Variants in LINGO2 observed in about 807,000 individuals in gnomAD.
The protein encoded by LINGO2 is leucine rich repeat and Ig domain containing 2.
In LINGO2, 14 loss-of-function variants were observed where a neutral mutation model predicts 30.6. The ratio of observed to expected loss-of-function variants is 0.46; its 90% CI spans 0.30 to 0.72. The LOEUF is 0.72. LINGO2 is among the 30% of genes least tolerant of loss of function. The probability of loss-of-function intolerance (pLI) is 0.07; values close to 1 mark genes in which losing one functional copy is unlikely to be tolerated. For missense variants in LINGO2, 729 were observed against 751.7 expected, an observed-to-expected ratio of 0.97 and a Z score of 0.35; for synonymous variants, 317 against 288.5, an observed-to-expected ratio of 1.10 and a Z score of -1.00.
the LINGO2 span, among the ~76,000 whole-genome samples, chr9:29,057,238 T>C: frequency 6.6e-6 from 1 of 152,144 alleles, no homozygotes; most frequent in African/African-American, 2.4e-5. Context: ...TGAGCATGTT[T>C]CCATTTGTTT....
At chr9:28,117,844 G>T (rs1826974831) in intron 4 of LINGO2, among the ~76,000 whole-genome samples, 1 of 151,960 alleles carries the variant, frequency 6.6e-6, no homozygotes, top group African/African-American at 2.4e-5. Context: ...CGGTACCTCA[G>T]ATGGAAATGC....
the LINGO2 span, among the ~76,000 whole-genome samples, chr9:29,163,659 A>G: frequency 6.6e-6 from 1 of 152,234 alleles, no homozygotes; most frequent in Non-Finnish European, 1.5e-5. Context: ...GAAGGTTCTA[A>G]GCCATAAGAC....
At chr9:28,912,818 T>C in the LINGO2 span, among the ~76,000 whole-genome samples, 1 of 152,184 alleles carries the variant, frequency 6.6e-6, no homozygotes, top group African/African-American at 2.4e-5. Context: ...AACTATTTTG[T>C]GATAATCATA....
chr9:28,876,184 C>T, the LINGO2 span, among the ~76,000 whole-genome samples: 1 of 151,966 alleles, frequency 6.6e-6, no homozygotes, highest in South Asian at 2.1e-4. Flanking sequence ...TTTTCATATA[C>T]ATTATGTCAT....
chr9:28,819,728 C>T, the LINGO2 span, among the ~76,000 whole-genome samples: 1 of 152,158 alleles, frequency 6.6e-6, no homozygotes, highest in African/African-American at 2.4e-5. Flanking sequence ...TGGCAGAGCA[C>T]GTCATGAGAA....
At chr9:28,695,879 T>C in the LINGO2 span, among the ~76,000 whole-genome samples, 1 of 151,898 alleles carries the variant, frequency 6.6e-6, no homozygotes, top group Non-Finnish European at 1.5e-5. Context: ...TTTAAAATGG[T>C]ATTTATTTTG....
chr9:27,988,387 A>G (rs1046410624), intron 5 of LINGO2, among the ~76,000 whole-genome samples: 7 of 152,036 alleles, frequency 4.6e-5, no homozygotes, highest in African/African-American at 1.4e-4. Flanking sequence ...GCTGGGTCCA[A>G]TGGTATTTCT....
At chr9:28,036,039 T>C (rs1823919330) in intron 4 of LINGO2, among the ~76,000 whole-genome samples, 1 of 152,208 alleles carries the variant, frequency 6.6e-6, no homozygotes, top group Admixed American at 6.5e-5. Flanking sequence ...GCAAAGTGCT[T>C]TGAGATTTAG....
chr9:28,760,595 G>A, the LINGO2 span, among the ~76,000 whole-genome samples: 13 of 151,822 alleles, frequency 8.6e-5, 1 homozygote, highest in African/African-American at 3.2e-4. Flanking sequence ...AAATCCTGGT[G>A]CACCCATCAC....
chr9:27,948,796 C>T (rs1290974274), exon 6 of LINGO2: 2 of 1,541,862 alleles, frequency 1.3e-6, no homozygotes, highest in South Asian at 1.3e-5. Context: ...CTGTGCCATA[C>T]TGTCTTACTG....
intron 3 of LINGO2, among the ~76,000 whole-genome samples, chr9:28,303,402 T>C (rs946738486): frequency 2.0e-5 from 3 of 152,096 alleles, no homozygotes; most frequent in East Asian, 3.9e-4. Flanking sequence ...ATGACCTAAA[T>C]ATGAAAGCTT....
At chr9:28,465,573 C>T (rs890287411) in intron 2 of LINGO2, among the ~76,000 whole-genome samples, 8 of 152,200 alleles carry the variant, frequency 5.3e-5, no homozygotes, top group Non-Finnish European at 7.4e-5. Flanking sequence ...CCAGGGACTC[C>T]GCCCTCTTTT....
At chr9:28,563,078 C>A (rs1823188345) in intron 1 of LINGO2, among the ~76,000 whole-genome samples, 1 of 152,060 alleles carries the variant, frequency 6.6e-6, no homozygotes, top group Non-Finnish European at 1.5e-5. Context: ...AATTCCTGAC[C>A]TCAAGTGATC....
intron 5 of LINGO2, among the ~76,000 whole-genome samples, chr9:28,000,344 CCA>C (rs1368052024): frequency 9.2e-5 from 14 of 151,958 alleles, no homozygotes; most frequent in African/African-American, 2.9e-4. Flanking sequence ...CATCACAGAG[CCA>C]CAGAGTGGTA....
intron 4 of LINGO2, among the ~76,000 whole-genome samples, chr9:28,293,289 G>A (rs906462229): frequency 6.6e-6 from 1 of 151,814 alleles, no homozygotes; most frequent in Non-Finnish European, 1.5e-5. Context: ...ATAGAGATGA[G>A]GTCTCACTTT....
the LINGO2 span, among the ~76,000 whole-genome samples, chr9:28,726,063 C>T: frequency 1.3e-5 from 2 of 152,106 alleles, no homozygotes; most frequent in African/African-American, 4.8e-5. Flanking sequence ...GTGACACTAG[C>T]ATTTTCTAAG....
At chr9:28,577,470 C>A (rs1427246143) in intron 1 of LINGO2, among the ~76,000 whole-genome samples, 1 of 152,106 alleles carries the variant, frequency 6.6e-6, no homozygotes, top group African/African-American at 2.4e-5. Flanking sequence ...CAGCAGCAAC[C>A]ATTCCCTAAC....
exon 6 of LINGO2, chr9:27,950,501 G>T: frequency 6.3e-7 from 1 of 1,595,178 alleles, no homozygotes; most frequent in African/African-American, 1.3e-5. Context: ...TTTTGGTTTC[G>T]ATGGGAATGC....
At chr9:27,951,953 T>TA (rs1266848183) in intron 5 of LINGO2, among the ~76,000 whole-genome samples, 8 of 152,122 alleles carry the variant, frequency 5.3e-5, no homozygotes, top group Non-Finnish European at 1.2e-4. Context: ...GGTGAATCAC[T>TA]AAATCACTAG....
Sources: gnomAD v4.1 joint callset for allele counts (sites outside exome capture counted in the v4.1 genomes callset) on GRCh38, gnomAD v4.1.1 for gene constraint, MANE v1.5 for transcripts, NCBI Gene and HGNC (gene_info 2026-07-23, HGNC 2026-07-21) for gene names.